The following ZNF804B variants were observed in gnomAD, a reference collection of about 807,000 sequenced individuals.
The protein encoded by ZNF804B is zinc finger protein 804B, also known as zinc finger 804B.
In ZNF804B, 80 loss-of-function variants were observed where a neutral mutation model predicts 101.4. That is an observed-to-expected ratio of 0.79 (90% CI 0.66 to 0.95). The LOEUF (loss-of-function observed/expected upper bound fraction) is 0.95, where lower values mean the gene tolerates loss of function less well. Ranked by LOEUF, ZNF804B falls within the 40% of genes least tolerant of loss-of-function variation. The pLI, the probability that ZNF804B is intolerant of heterozygous loss-of-function variation, is 0.00. For synonymous variants in ZNF804B, 622 were observed against 558.8 expected, an observed-to-expected ratio of 1.11 and a Z score of -1.59; for missense variants, 1,673 against 1,561.9, an observed-to-expected ratio of 1.07 and a Z score of -1.20.
At chr7:89,176,847 C>T (rs1791330978) in intron 1 of ZNF804B, among the ~76,000 whole-genome samples, 1 of 151,856 alleles carries the variant, frequency 6.6e-6, no homozygotes, top group East Asian at 1.9e-4. Flanking sequence ...TTTTGAATAT[C>T]TTCATGGTTC....
chr7:89,218,120 A>T, intron 1 of ZNF804B, 35 bp from the exon 2 acceptor site: 1 of 1,593,686 alleles, frequency 6.3e-7, no homozygotes, highest in South Asian at 1.1e-5. Context: ...TATTAGAGAG[A>T]AGTCTAACCA....
At chr7:88,999,060 T>C (rs1240074422) in intron 1 of ZNF804B, among the ~76,000 whole-genome samples, 1 of 152,062 alleles carries the variant, frequency 6.6e-6, no homozygotes, top group Non-Finnish European at 1.5e-5. Context: ...GTTCTTAGTT[T>C]CTTCAACCTA....
intron 1 of ZNF804B, among the ~76,000 whole-genome samples, chr7:89,026,667 A>G (rs550086105): frequency 1.3e-5 from 2 of 152,240 alleles, no homozygotes; most frequent in South Asian, 2.1e-4. Context: ...ATCTTGGGAA[A>G]AAGGAGAATG....
At chr7:89,242,063 C>T (rs1584077999) in intron 2 of ZNF804B, among the ~76,000 whole-genome samples, 1 of 151,794 alleles carries the variant, frequency 6.6e-6, no homozygotes. Flanking sequence ...TCTAAGTTGC[C>T]ATAGCTTTTA....
intron 2 of ZNF804B, among the ~76,000 whole-genome samples, chr7:89,265,413 G>T (rs550517980): frequency 1.9e-4 from 29 of 152,324 alleles, no homozygotes; most frequent in South Asian, 1.9e-3. Context: ...AGTCAGAGAG[G>T]AGTCAAGTGG....
intron 1 of ZNF804B, among the ~76,000 whole-genome samples, chr7:88,996,693 A>G (rs1788204029): frequency 6.6e-6 from 1 of 152,152 alleles, no homozygotes; most frequent in Non-Finnish European, 1.5e-5. Context: ...TTAAAGCTAT[A>G]TAGAGCTTTG....
intron 1 of ZNF804B, among the ~76,000 whole-genome samples, chr7:88,828,740 AG>A (rs1791085302): frequency 6.6e-6 from 1 of 152,154 alleles, no homozygotes; most frequent in South Asian, 2.1e-4. Context: ...TGATTTACAA[AG>A]TGAGACAGTT....
chr7:88,846,045 G>C (rs1212714075), intron 1 of ZNF804B, among the ~76,000 whole-genome samples: 2 of 152,206 alleles, frequency 1.3e-5, no homozygotes, highest in Non-Finnish European at 2.9e-5. Context: ...TTTCAGTGCA[G>C]AAAGGCACTG....
chr7:89,086,001 G>A (rs1789795178), intron 1 of ZNF804B, among the ~76,000 whole-genome samples: 2 of 151,674 alleles, frequency 1.3e-5, no homozygotes, highest in Non-Finnish European at 2.9e-5. Context: ...CAAGTATTTT[G>A]CATTTTCTAC....
At chr7:88,897,898 A>G (rs1200558658) in intron 1 of ZNF804B, among the ~76,000 whole-genome samples, 1 of 151,688 alleles carries the variant, frequency 6.6e-6, no homozygotes, top group African/African-American at 2.4e-5. Flanking sequence ...GATTCATGAT[A>G]AAATGAATAA....
At position 88,844,951 on chromosome 7, in the gene ZNF804B, C is replaced by T. The variant is rs559154694; in HGVS notation, c.108+84867C>T. On this transcript the variant is annotated intron_variant, in intron 1 of 3. Coordinates refer to ENST00000333190, the MANE Select transcript of ZNF804B (RefSeq NM_181646.5). ...ACTGCTCTTAATATTTGTGGATCTGCGAGCTGGAAGTTCTCTCATTAAAGC... is the reference window on the plus strand; with the variant it reads ...ACTGCTCTTAATATTTGTGGATCTGTGAGCTGGAAGTTCTCTCATTAAAGC... 3.3e-5 allele frequency among the ~76,000 whole-genome samples: 5 copies of T among 152,240 alleles called. No individual in the cohort carries two copies. The South Asian group carries it at 6.2e-4, about 19-fold the overall frequency.
intron 1 of ZNF804B, among the ~76,000 whole-genome samples, chr7:88,890,017 C>T (rs1609374): frequency 0.25 from 37,788 of 151,888 alleles, 5,321 homozygotes; most frequent in East Asian, 0.44. Context: ...CCCAGCATCA[C>T]TTATTGAACA....
At chr7:89,140,873 A>G (rs1790706683) in intron 1 of ZNF804B, among the ~76,000 whole-genome samples, 2 of 152,082 alleles carry the variant, frequency 1.3e-5, no homozygotes, top group Non-Finnish European at 2.9e-5. Flanking sequence ...AGTGTTTGAT[A>G]AAGAGACCTG....
In ZNF804B at chr7:89,218,150, TAAAGGA is replaced by T; in HGVS notation, c.109-4_110del. On this transcript the variant is annotated splice_acceptor_variant and splice_polypyrimidine_tract_variant and coding_sequence_variant and intron_variant, in exon 2 of 4. Coordinates refer to ENST00000333190, the MANE Select transcript of ZNF804B (RefSeq NM_181646.5). LOFTEE classifies it high-confidence loss of function. The stretch of plus-strand genomic sequence containing the variant: ...TAACCAACATTTATGTATTTTTTCT[TAAAGGA>T]TTTTGCAGAAAAGAAGTCCACAGCA... The T allele has an allele frequency of 6.2e-7, 1 of 1,609,726 alleles. No individual in the cohort carries two copies. The highest frequency in any genetic ancestry group is 1.7e-5 in the Admixed American group (1 of 58,920).
At chr7:88,932,363 A>G (rs1792899893) in intron 1 of ZNF804B, among the ~76,000 whole-genome samples, 1 of 151,920 alleles carries the variant, frequency 6.6e-6, no homozygotes, top group Non-Finnish European at 1.5e-5. Flanking sequence ...AACAAACTAA[A>G]TCCAAACCCA....
chr7:89,261,619 A>T (rs1207293747), intron 2 of ZNF804B, among the ~76,000 whole-genome samples: 3 of 152,166 alleles, frequency 2.0e-5, no homozygotes, highest in Non-Finnish European at 4.4e-5. Context: ...GCACTTAAAA[A>T]ACCTAGATGG....
At chr7:89,117,676 A>T (rs1331822263) in intron 1 of ZNF804B, among the ~76,000 whole-genome samples, 1 of 152,148 alleles carries the variant, frequency 6.6e-6, no homozygotes, top group Non-Finnish European at 1.5e-5. Flanking sequence ...AATTGTAATT[A>T]TATTATACTT....
intron 1 of ZNF804B, among the ~76,000 whole-genome samples, chr7:88,818,214 C>T (rs942818707): frequency 6.6e-6 from 1 of 152,124 alleles, no homozygotes; most frequent in African/African-American, 2.4e-5. Flanking sequence ...ATATCAACTT[C>T]ATGAGCTATT....
intron 1 of ZNF804B, among the ~76,000 whole-genome samples, chr7:88,823,205 AAAAACAAAAC>A (rs768873975): frequency 3.3e-5 from 5 of 152,120 alleles, no homozygotes; most frequent in African/African-American, 1.2e-4. Context: ...AGACTGTCTA[AAAAACAAAAC>A]AAAACAAAAC....
Sources: gnomAD v4.1 joint callset for allele counts (sites outside exome capture counted in the v4.1 genomes callset) on GRCh38, gnomAD v4.1.1 for gene constraint, MANE v1.5 for transcripts, NCBI Gene and HGNC (gene_info 2026-07-23, HGNC 2026-07-21) for gene names.